NLGN1: variants seen among roughly 807,000 people sequenced by gnomAD.
NLGN1 encodes neuroligin 1.
NLGN1 carries 12 observed loss-of-function variants against 65.5 expected under a neutral mutation model. The ratio of observed to expected loss-of-function variants is 0.18; its 90% CI spans 0.12 to 0.30. The LOEUF (loss-of-function observed/expected upper bound fraction) is 0.30. NLGN1 is among the 10% of genes least tolerant of loss of function. The probability of loss-of-function intolerance (pLI) is 1.00; values close to 1 mark genes in which losing one functional copy is unlikely to be tolerated. For synonymous variants in NLGN1, 350 were observed against 359.5 expected, an observed-to-expected ratio of 0.97 and a Z score of 0.30; for missense variants, 750 against 1,007.1, an observed-to-expected ratio of 0.74 and a Z score of 3.46.
At chr3:173,819,363 A>G (rs1383586608) in intron 4 of NLGN1, among the ~76,000 whole-genome samples, 1 of 152,022 alleles carries the variant, frequency 6.6e-6, no homozygotes, top group African/African-American at 2.4e-5. Flanking sequence ...TCTGCTCCAC[A>G]TCTCTAAACG....
intron 4 of NLGN1, among the ~76,000 whole-genome samples, chr3:174,221,205 G>A (rs369175050): frequency 2.5e-4 from 38 of 151,910 alleles, no homozygotes; most frequent in African/African-American, 8.7e-4. Context: ...TTATGGCCTT[G>A]GCAACAGCAC....
chr3:173,860,312 C>T (rs1384177369), intron 4 of NLGN1, among the ~76,000 whole-genome samples: 2 of 151,946 alleles, frequency 1.3e-5, no homozygotes, highest in African/African-American at 4.8e-5. Context: ...TCTTATTTGA[C>T]CCATATATTA....
At chr3:174,216,568 G>T (rs551560363) in intron 4 of NLGN1, among the ~76,000 whole-genome samples, 1 of 152,196 alleles carries the variant, frequency 6.6e-6, no homozygotes, top group East Asian at 1.9e-4. Flanking sequence ...AAATAGAAAA[G>T]ACTGTATGAG....
chr3:173,921,719 C>G (rs915212707), intron 4 of NLGN1, among the ~76,000 whole-genome samples: 1 of 152,096 alleles, frequency 6.6e-6, no homozygotes, highest in East Asian at 1.9e-4. Context: ...CTCCTAGCAA[C>G]GAGTATGTAT....
intron 2 of NLGN1, among the ~76,000 whole-genome samples, chr3:173,499,795 G>C (rs1180630453): frequency 6.6e-6 from 1 of 151,764 alleles, no homozygotes; most frequent in Non-Finnish European, 1.5e-5. Context: ...GGATTCCTAG[G>C]TATTTTATTC....
intron 1 of NLGN1, among the ~76,000 whole-genome samples, chr3:173,407,464 G>A (rs1452413239): frequency 6.6e-6 from 1 of 152,264 alleles, no homozygotes; most frequent in East Asian, 1.9e-4. Flanking sequence ...TATTTAAAGA[G>A]CAGTAATACA....
intron 4 of NLGN1, among the ~76,000 whole-genome samples, chr3:174,224,880 C>G (rs1440894339): frequency 6.6e-6 from 1 of 152,058 alleles, no homozygotes; most frequent in Non-Finnish European, 1.5e-5. Flanking sequence ...TGATGTAGTC[C>G]AACACACTCA....
At chr3:173,962,258 T>C (rs1713777102) in intron 4 of NLGN1, among the ~76,000 whole-genome samples, 1 of 152,128 alleles carries the variant, frequency 6.6e-6, no homozygotes, top group South Asian at 2.1e-4. Flanking sequence ...TGAGTTTTAT[T>C]ATTTTCTATT....
At chr3:173,857,711 C>T (rs1728275366) in intron 4 of NLGN1, among the ~76,000 whole-genome samples, 1 of 151,230 alleles carries the variant, frequency 6.6e-6, no homozygotes, top group Admixed American at 6.6e-5. Flanking sequence ...TTACTCTTTC[C>T]TTATTTTACT....
At chr3:174,062,176 G>T (rs1443146096) in intron 4 of NLGN1, among the ~76,000 whole-genome samples, 1 of 152,042 alleles carries the variant, frequency 6.6e-6, no homozygotes, top group African/African-American at 2.4e-5. Flanking sequence ...TTAACTGAGT[G>T]TTTAAAAGGT....
intron 4 of NLGN1, among the ~76,000 whole-genome samples, chr3:174,001,745 T>TATG (rs1723332860): frequency 6.6e-6 from 1 of 152,102 alleles, no homozygotes; most frequent in Non-Finnish European, 1.5e-5. Context: ...CATTGGTTAA[T>TATG]ATGATGATGG....
At chr3:174,252,018 A>G (rs1161544359) in intron 4 of NLGN1, among the ~76,000 whole-genome samples, 2 of 152,210 alleles carry the variant, frequency 1.3e-5, no homozygotes, top group Non-Finnish European at 2.9e-5. Context: ...CTCAAGGTAG[A>G]TAGAATTTTA....
chr3:173,733,262 T>C (rs971295070), intron 3 of NLGN1, among the ~76,000 whole-genome samples: 1 of 152,152 alleles, frequency 6.6e-6, no homozygotes, highest in African/African-American at 2.4e-5. Flanking sequence ...TTAGAATAGA[T>C]ATTTTTTTGA....
intron 2 of NLGN1, among the ~76,000 whole-genome samples, chr3:173,522,154 A>G (rs1734862772): frequency 6.6e-6 from 1 of 152,188 alleles, no homozygotes; most frequent in African/African-American, 2.4e-5. Context: ...TTCTATGTCC[A>G]TATGTACCCA....
chr3:173,624,783 AC>A (rs1350453262), intron 3 of NLGN1, among the ~76,000 whole-genome samples: 1 of 152,106 alleles, frequency 6.6e-6, no homozygotes, highest in African/African-American at 2.4e-5. Flanking sequence ...TGGTAGTATT[AC>A]CCAGACTAAT....
At chr3:173,648,257 A>G (rs963085670) in intron 3 of NLGN1, among the ~76,000 whole-genome samples, 1 of 152,226 alleles carries the variant, frequency 6.6e-6, no homozygotes, top group Non-Finnish European at 1.5e-5. Flanking sequence ...TATATCTGTA[A>G]AGGATTTATA....
At chr3:173,441,024 T>G (rs1166576123) in intron 2 of NLGN1, among the ~76,000 whole-genome samples, 1 of 152,228 alleles carries the variant, frequency 6.6e-6, no homozygotes, top group East Asian at 1.9e-4. Context: ...CAGGACTTTC[T>G]GCTTCACCTT....
intron 4 of NLGN1, among the ~76,000 whole-genome samples, chr3:174,184,878 G>T (rs1204776449): frequency 6.6e-6 from 1 of 152,118 alleles, no homozygotes; most frequent in African/African-American, 2.4e-5. Flanking sequence ...TTAAAAAGAT[G>T]TCCAAAGTAG....
chr3:173,891,740 C>A lies in NLGN1; in HGVS notation c.646+83908C>A, dbSNP rs576136031. On this transcript the variant is annotated intron_variant, in intron 4 of 6. Transcript: ENST00000457714. ...GGACACTTCTCAAATCCAACATAAT[C>A]AGATTTAGAAAGGTTGGGTCTTTCT... is the stretch of plus-strand genomic sequence containing the variant. 8.9e-4 allele frequency among the ~76,000 whole-genome samples: 136 copies of A among 152,248 alleles called. 3 individuals are homozygous for A. The South Asian group carries it at 0.023, about 25-fold the overall frequency.
Sources: allele counts gnomAD v4.1 joint callset (sites outside exome capture counted in the v4.1 genomes callset), GRCh38; gene constraint gnomAD v4.1.1; transcripts MANE v1.5; gene names NCBI Gene and HGNC (gene_info 2026-07-23, HGNC 2026-07-21).